The following STAU2 variants were observed in gnomAD, a reference collection of about 807,000 sequenced individuals.
STAU2 encodes double-stranded RNA-binding protein Staufen homolog 2.
In STAU2, 20 loss-of-function variants were observed where a neutral mutation model predicts 65.9. The observed-to-expected ratio is 0.30, with a 90% confidence interval of 0.21 to 0.44. STAU2 has a LOEUF of 0.44. STAU2 is among the 20% of genes least tolerant of loss of function. The probability of loss-of-function intolerance (pLI) is 1.00; values close to 1 mark genes in which losing one functional copy is unlikely to be tolerated. For missense variants in STAU2, 558 were observed against 683.9 expected (o/e 0.82, Z 2.05); for synonymous variants, 232 against 233.9 (o/e 0.99, Z 0.07).
chr8:73,712,673 G>C (rs1003978032), intron 3 of STAU2, among the ~76,000 whole-genome samples: 4 of 152,146 alleles, frequency 2.6e-5, no homozygotes, highest in Non-Finnish European at 4.4e-5. Flanking sequence ...TATACTTCTT[G>C]GCTGGGCATA....
intron 12 of STAU2, among the ~76,000 whole-genome samples, chr8:73,555,604 A>T (rs546877425): frequency 8.9e-4 from 117 of 131,734 alleles, no homozygotes; most frequent in African/African-American, 4.4e-3. Context: ...ATGCAACAAT[A>T]AAAAAAAATA....
chr8:73,572,211 A>C (rs956059143), intron 12 of STAU2, among the ~76,000 whole-genome samples: 1 of 152,206 alleles, frequency 6.6e-6, no homozygotes, highest in Non-Finnish European at 1.5e-5. Flanking sequence ...AAGAACTTGA[A>C]TCCCTGAATA....
intron 5 of STAU2, among the ~76,000 whole-genome samples, chr8:73,685,376 T>A (rs899956160): frequency 5.3e-5 from 8 of 151,552 alleles, no homozygotes; most frequent in African/African-American, 9.7e-5. Context: ...AAACACTTTT[T>A]TTTTCTTTTT....
rs374951752 is a variant in STAU2 at position 73,565,769 on chromosome 8, T to A, written c.1223-13450A>T. The stretch of plus-strand genomic sequence containing the variant: ...TCATATTTATTTCAATGTTTAATAT[T>A]ACAATTTGGGTCTTTATTGAGAAGT... On this transcript the variant is annotated intron_variant, in intron 12 of 14. Coordinates refer to ENST00000524300, the MANE Select transcript of STAU2 (RefSeq NM_001164380.2). Among the ~76,000 whole-genome samples, 111 of 152,360 alleles carry A rather than the reference T, an allele frequency of 7.3e-4. No individual in the cohort carries two copies. The South Asian group carries it at 0.019, about 26-fold the overall frequency.
At chr8:73,697,061 T>A (rs1819735136) in intron 4 of STAU2, among the ~76,000 whole-genome samples, 1 of 152,176 alleles carries the variant, frequency 6.6e-6, no homozygotes, top group Admixed American at 6.5e-5. Flanking sequence ...TGTTTTGTTT[T>A]GTTTTGTTTT....
chr8:73,583,144 T>C (rs996489744), intron 11 of STAU2, among the ~76,000 whole-genome samples: 1 of 148,484 alleles, frequency 6.7e-6, no homozygotes, highest in African/African-American at 2.5e-5. Flanking sequence ...GTGAAAAAAA[T>C]AAATCTTTTT....
intron 13 of STAU2, among the ~76,000 whole-genome samples, chr8:73,494,841 T>C (rs1186411268): frequency 1.3e-5 from 2 of 151,300 alleles, no homozygotes; most frequent in African/African-American, 4.9e-5. Flanking sequence ...TTAACGGAAG[T>C]TTTGTTAACA....
At chr8:73,515,777 T>C (rs983421016) in intron 13 of STAU2, among the ~76,000 whole-genome samples, 3 of 64,724 alleles carry the variant, frequency 4.6e-5, no homozygotes, top group African/African-American at 1.4e-4. Flanking sequence ...ATTTCTCTTT[T>C]TTTTTTTTTT....
intron 6 of STAU2, among the ~76,000 whole-genome samples, chr8:73,649,824 ATATT>A (rs1815700122): frequency 6.9e-6 from 1 of 144,250 alleles, no homozygotes; most frequent in Non-Finnish European, 1.5e-5. Context: ...ATGCTCTTCT[ATATT>A]TAATTTTTTA....
chr8:73,534,908 TTACATTA>T (rs1223925866), intron 13 of STAU2, among the ~76,000 whole-genome samples: 1 of 152,202 alleles, frequency 6.6e-6, no homozygotes, highest in Non-Finnish European at 1.5e-5. Flanking sequence ...ATGAATGAAA[TTACATTA>T]CACAGACTGA....
intron 13 of STAU2, among the ~76,000 whole-genome samples, chr8:73,489,192 C>T (rs1175710681): frequency 6.6e-6 from 1 of 151,744 alleles, no homozygotes; most frequent in Non-Finnish European, 1.5e-5. Context: ...GCACAATGAT[C>T]CATTATTTCC....
intron 4 of STAU2, among the ~76,000 whole-genome samples, chr8:73,693,885 G>A (rs1819525671): frequency 6.6e-6 from 1 of 152,194 alleles, no homozygotes; most frequent in Non-Finnish European, 1.5e-5. Context: ...ACAAAATGGT[G>A]TAAACACCCC....
At chr8:73,584,317 A>T (rs143065602) in intron 11 of STAU2, among the ~76,000 whole-genome samples, 7 of 152,338 alleles carry the variant, frequency 4.6e-5, no homozygotes, top group Admixed American at 2.6e-4. Flanking sequence ...TAACACAGGC[A>T]TCCTTCACAA....
intron 5 of STAU2, among the ~76,000 whole-genome samples, chr8:73,687,500 GTTT>G (rs1387730406): frequency 1.3e-4 from 18 of 133,394 alleles, no homozygotes; most frequent in Admixed American, 2.3e-4. Context: ...ATAAAATATA[GTTT>G]TTTATATATA....
rs1033682424 is a variant in STAU2, at chr8:73,613,650, A to G, written c.891+94T>C. On this transcript the variant is annotated intron_variant, in intron 9 of 14. Coordinates refer to ENST00000524300, the MANE Select transcript of STAU2 (RefSeq NM_001164380.2). Reference sequence around the variant, plus strand: ...ATTTCAGGACTGTATATAGTCCATAAGTTCAGGGATCTGCCTTATAGAAAA... The same window carrying G: ...ATTTCAGGACTGTATATAGTCCATAGGTTCAGGGATCTGCCTTATAGAAAA... 28 of 914,622 alleles carry G rather than the reference A, an allele frequency of 3.1e-5. No individual in the cohort carries two copies. In the African/African-American group the frequency reaches 4.2e-4, roughly 14 times the overall value. 56.7% of individuals were successfully genotyped at this position (914,622 alleles called of 1,614,324 possible).
intron 13 of STAU2, among the ~76,000 whole-genome samples, chr8:73,525,422 G>A (rs982762312): frequency 1.3e-5 from 2 of 152,164 alleles, no homozygotes; most frequent in African/African-American, 4.8e-5. Flanking sequence ...ATGCCTTGAG[G>A]AAGAGGCACT....
chr8:73,620,683 G>A (rs1004108106), intron 6 of STAU2, among the ~76,000 whole-genome samples: 3 of 152,030 alleles, frequency 2.0e-5, no homozygotes, highest in African/African-American at 7.3e-5. Flanking sequence ...AAGTATCAGA[G>A]GAAAAATTAA....
intron 11 of STAU2, among the ~76,000 whole-genome samples, chr8:73,584,043 T>C (rs1289573715): frequency 1.3e-5 from 2 of 152,220 alleles, no homozygotes; most frequent in Non-Finnish European, 2.9e-5. Flanking sequence ...AAGTTGTTCT[T>C]ATTGAATTCA....
At chr8:73,473,913 C>A (rs1820177020) in intron 13 of STAU2, among the ~76,000 whole-genome samples, 1 of 152,102 alleles carries the variant, frequency 6.6e-6, no homozygotes, top group Non-Finnish European at 1.5e-5. Flanking sequence ...TTGGAAATTT[C>A]CAGCTACAAA....
Sources: allele counts gnomAD v4.1 joint callset (sites outside exome capture counted in the v4.1 genomes callset), GRCh38; gene constraint gnomAD v4.1.1; transcripts MANE v1.5; gene names NCBI Gene and HGNC (gene_info 2026-07-23, HGNC 2026-07-21).